The following FBXW4 variants were observed in gnomAD, a reference collection of about 807,000 sequenced individuals.
The protein encoded by FBXW4 is F-box and WD repeat domain containing 4, also known as F-box/WD repeat-containing protein 4.
Under a neutral mutation model 61.8 loss-of-function variants are expected in FBXW4, and 40 were observed. That is an observed-to-expected ratio of 0.65 (90% CI 0.50 to 0.84). FBXW4 has a LOEUF of 0.84. Among genes scored for constraint, FBXW4 ranks in the 40% least tolerant of loss-of-function variants. The probability of loss-of-function intolerance (pLI) is 0.00; values close to 1 mark genes in which losing one functional copy is unlikely to be tolerated. For missense variants in FBXW4, 672 were observed against 753.8 expected (o/e 0.89, Z 1.27); for synonymous variants, 311 against 313.8 (o/e 0.99, Z 0.10).
At chr10:101,662,642 C>T (rs1282056897) in intron 5 of FBXW4, among the ~76,000 whole-genome samples, 1 of 152,136 alleles carries the variant, frequency 6.6e-6, no homozygotes, top group Non-Finnish European at 1.5e-5. Context: ...AGCAAGTGTC[C>T]TTTGGAGACA....
intron 2 of FBXW4, 59 bp from the exon 3 acceptor site, chr10:101,673,732 C>T (rs1392132334): frequency 7.2e-6 from 11 of 1,528,670 alleles, no homozygotes; most frequent in Non-Finnish European, 6.3e-6. Context: ...AAACTCAACT[C>T]CAATCTTTGA....
chr10:101,684,822 T>C (rs1394315348), intron 1 of FBXW4, among the ~76,000 whole-genome samples: 20 of 152,200 alleles, frequency 1.3e-4, no homozygotes, highest in Admixed American at 1.2e-3. Flanking sequence ...AATCTTTATA[T>C]CATGTTAAAT....
intron 6 of FBXW4, among the ~76,000 whole-genome samples, chr10:101,623,120 G>T (rs1470191818): frequency 6.6e-6 from 1 of 152,142 alleles, no homozygotes; most frequent in Non-Finnish European, 1.5e-5. Flanking sequence ...AACACCTTTA[G>T]AATAGTTTAA....
chr10:101,628,556 A>G (rs1209805395), intron 5 of FBXW4, among the ~76,000 whole-genome samples: 1 of 152,242 alleles, frequency 6.6e-6, no homozygotes, highest in East Asian at 1.9e-4. Context: ...CAAAGCCTAC[A>G]CAGCTGGGAA....
chr10:101,684,053 T>C (rs2064506333), intron 1 of FBXW4, among the ~76,000 whole-genome samples: 1 of 152,218 alleles, frequency 6.6e-6, no homozygotes, highest in Non-Finnish European at 1.5e-5. Flanking sequence ...AACCTCCACC[T>C]CCCAGACTCA....
chr10:101,669,759 CT>C (rs66921816), intron 4 of FBXW4, among the ~76,000 whole-genome samples: 35 of 145,126 alleles, frequency 2.4e-4, no homozygotes, highest in Admixed American at 3.4e-4. Flanking sequence ...TGGGAGTGGA[CT>C]TTTTTTTTTT....
chr10:101,666,447 G>A (rs1031558315), intron 5 of FBXW4, among the ~76,000 whole-genome samples: 1 of 152,180 alleles, frequency 6.6e-6, no homozygotes, highest in Non-Finnish European at 1.5e-5. Context: ...GGGAGTTGTG[G>A]AAGGGAGTAG....
intron 5 of FBXW4, among the ~76,000 whole-genome samples, chr10:101,649,359 C>A (rs1259434439): frequency 6.6e-6 from 1 of 152,194 alleles, no homozygotes; most frequent in Non-Finnish European, 1.5e-5. Context: ...CCATCTCTGA[C>A]ATGCCCCACC....
chr10:101,643,158 G>A (rs1377841806), intron 5 of FBXW4, among the ~76,000 whole-genome samples: 3 of 152,200 alleles, frequency 2.0e-5, no homozygotes, highest in East Asian at 1.9e-4. Flanking sequence ...CTTTACTGCT[G>A]AGTCTCCACA....
intron 5 of FBXW4, among the ~76,000 whole-genome samples, chr10:101,656,323 G>C (rs2064184952): frequency 6.6e-6 from 1 of 152,122 alleles, no homozygotes; most frequent in East Asian, 1.9e-4. Flanking sequence ...AGGCAACACA[G>C]ACATAAGTGT....
chr10:101,642,851 T>TTA (rs2064065580), intron 5 of FBXW4, among the ~76,000 whole-genome samples: 1 of 152,124 alleles, frequency 6.6e-6, no homozygotes, highest in Admixed American at 6.5e-5. Context: ...AGGCCCTCCT[T>TTA]TAAAGTGCCA....
intron 1 of FBXW4, among the ~76,000 whole-genome samples, chr10:101,688,892 C>A (rs11191091): frequency 0.15 from 23,341 of 152,092 alleles, 2,077 homozygotes; most frequent in Middle Eastern, 0.22. Context: ...AGCCTGGTCT[C>A]AATAAGAATC....
chr10:101,643,130 C>T (rs1375551752), intron 5 of FBXW4, among the ~76,000 whole-genome samples: 1 of 152,208 alleles, frequency 6.6e-6, no homozygotes, highest in African/African-American at 2.4e-5. Context: ...AGCATGTGTC[C>T]GCCCAGGCCA....
At chr10:101,653,628 G>A (rs1416502190) in intron 5 of FBXW4, among the ~76,000 whole-genome samples, 1 of 152,176 alleles carries the variant, frequency 6.6e-6, no homozygotes, top group East Asian at 1.9e-4. Flanking sequence ...CAAGGCTACA[G>A]CTTTCCTCTG....
chr10:101,628,098 T>C, intron 5 of FBXW4: 2 of 442,042 alleles, frequency 4.5e-6, no homozygotes, highest in Middle Eastern at 1.0e-3. Flanking sequence ...TGGAGATCAA[T>C]GAAATGAAAA....
chr10:101,692,450 G>A (rs1564929707), intron 1 of FBXW4, among the ~76,000 whole-genome samples: 1 of 152,018 alleles, frequency 6.6e-6, no homozygotes, highest in Non-Finnish European at 1.5e-5. Context: ...TGATGAAAGT[G>A]TTAACTATTA....
intron 6 of FBXW4, among the ~76,000 whole-genome samples, chr10:101,620,217 T>C (rs1257769189): frequency 6.6e-6 from 1 of 152,266 alleles, no homozygotes; most frequent in Admixed American, 6.5e-5. Flanking sequence ...ACCTCTCGGA[T>C]TGGCCTGTCA....
Position 101,611,450 on chromosome 10 carries a change from G to C in FBXW4, c.1585-40C>G, listed in dbSNP as rs747719817. The C allele has an allele frequency of 1.9e-6, 3 of 1,602,984 alleles. No individual in the cohort carries two copies. In the East Asian group the frequency reaches 6.7e-5, roughly 36 times the overall value. ...ACAGGAAGTGGTAAGAGCTTTCCAA[G>C]TGGGACATGGGTGTGCCCTAACCCA... On this transcript the variant is annotated intron_variant, in intron 8 of 8. Transcript: ENST00000331272. This position sits in a 1 kb window ranked among gnomAD's most constrained non-coding sequence, Gnocchi z 4.9.
chr10:101,685,619 A>T (rs906516523), intron 1 of FBXW4, among the ~76,000 whole-genome samples: 8 of 152,256 alleles, frequency 5.3e-5, no homozygotes, highest in Non-Finnish European at 1.0e-4. Flanking sequence ...TACTGTTCAA[A>T]CAGTAACACA....
Sources: gnomAD v4.1 joint callset for allele counts (sites outside exome capture counted in the v4.1 genomes callset) on GRCh38, gnomAD v4.1.1 for gene constraint, Gnocchi (gnomAD v3.1) non-coding constraint, MANE v1.5 for transcripts, NCBI Gene and HGNC (gene_info 2026-07-23, HGNC 2026-07-21) for gene names.